The following ZNF503 variants were observed in gnomAD, a reference collection of about 807,000 sequenced individuals.
ZNF503 encodes the protein NocA-like zinc finger 2.
A neutral mutation model predicts 34.4 loss-of-function variants in ZNF503; 15 were observed. The ratio of observed to expected loss-of-function variants is 0.44; its 90% CI spans 0.29 to 0.67. ZNF503 has a LOEUF of 0.67. Ranked by LOEUF, ZNF503 falls within the 30% of genes least tolerant of loss-of-function variation. The pLI, the probability that ZNF503 is intolerant of heterozygous loss-of-function variation, is 0.13. For missense variants in ZNF503, 1,007 were observed against 926.8 expected (o/e 1.09, Z -1.12); for synonymous variants, 580 against 456.8 (o/e 1.27, Z -3.44).
At chr10:75,380,102 G>A in the ZNF503 span, among the ~76,000 whole-genome samples, 13 of 152,244 alleles carry the variant, frequency 8.5e-5, no homozygotes, top group African/African-American at 3.1e-4. Flanking sequence ...TGACCTGGCA[G>A]TAGAGACTCT....
Position 75,399,267 on chromosome 10 carries a change from G to A in ZNF503, c.1423C>T (p.Leu475=). 2.5e-6 allele frequency: 4 copies of A among 1,598,226 alleles called. No homozygotes were observed. Among genetic ancestry groups the A allele is most frequent in the Non-Finnish European group, 3.4e-6 (4 of 1,172,846 alleles). Residue 475 remains leucine, a synonymous_variant, in exon 2 of 2, where the codon CTG becomes TTG. Coordinates refer to ENST00000372524, the MANE Select transcript of ZNF503 (RefSeq NM_032772.6). Reference sequence around the variant, plus strand: ...GTTAGCGAGGAGTGCACACCGTGCAGCGGGTGCGTGGGGTACACCAGCGGG... The same window carrying A: ...GTTAGCGAGGAGTGCACACCGTGCAACGGGTGCGTGGGGTACACCAGCGGG... The part of the protein sequence containing the change: ...GYPLVYPTHP[L]HGVHSSLTAA...
chr10:75,291,563 A>T, the ZNF503 span, among the ~76,000 whole-genome samples: 1 of 152,166 alleles, frequency 6.6e-6, no homozygotes, highest in Non-Finnish European at 1.5e-5. Context: ...GTGAGCTGTG[A>T]CTGCACCACC....
chr10:75,337,936 T>C, the ZNF503 span, among the ~76,000 whole-genome samples: 5 of 152,242 alleles, frequency 3.3e-5, no homozygotes, highest in African/African-American at 4.8e-5. Context: ...TAAATGCTTA[T>C]GGAGAATATA....
At chr10:75,317,878 C>T in the ZNF503 span, among the ~76,000 whole-genome samples, 1 of 151,642 alleles carries the variant, frequency 6.6e-6, no homozygotes, top group South Asian at 2.1e-4. Flanking sequence ...CACCTGTAAT[C>T]CCAGCTACTT....
At chr10:75,319,230 G>A in the ZNF503 span, among the ~76,000 whole-genome samples, 23,818 of 152,022 alleles carry the variant, frequency 0.16, 2,107 homozygotes, top group Non-Finnish European at 0.2. Flanking sequence ...CTGGGATTAC[G>A]GGCATGAGCC....
At chr10:75,344,779 G>A in the ZNF503 span, among the ~76,000 whole-genome samples, 26 of 152,318 alleles carry the variant, frequency 1.7e-4, no homozygotes, top group South Asian at 8.3e-4. Context: ...TGGTGCCAGC[G>A]TCATTGCAGA....
At chr10:75,359,432 C>A in the ZNF503 span, among the ~76,000 whole-genome samples, 4 of 152,186 alleles carry the variant, frequency 2.6e-5, no homozygotes, top group Non-Finnish European at 5.9e-5. Context: ...CTTAGGAAAG[C>A]CTACAGAGGA....
At chr10:75,342,970 G>A in the ZNF503 span, among the ~76,000 whole-genome samples, 1 of 152,196 alleles carries the variant, frequency 6.6e-6, no homozygotes, top group Non-Finnish European at 1.5e-5. Flanking sequence ...GGGAAATAGA[G>A]AATCTGATCT....
At chr10:75,314,334 T>C in the ZNF503 span, among the ~76,000 whole-genome samples, 5 of 150,526 alleles carry the variant, frequency 3.3e-5, no homozygotes, top group East Asian at 9.8e-4. Context: ...AAATTAGAAG[T>C]TCAATAAAGA....
the ZNF503 span, among the ~76,000 whole-genome samples, chr10:75,357,629 T>C: frequency 2.6e-5 from 4 of 152,360 alleles, no homozygotes; most frequent in African/African-American, 9.6e-5. Context: ...CTGATGGCAT[T>C]GTTAGCAGAT....
the ZNF503 span, among the ~76,000 whole-genome samples, chr10:75,389,002 T>C: frequency 6.6e-6 from 1 of 152,132 alleles, no homozygotes. Flanking sequence ...CAAAAAAAGG[T>C]TGAGGTTTCT....
the ZNF503 span, among the ~76,000 whole-genome samples, chr10:75,305,145 C>T: frequency 1.3e-5 from 2 of 152,104 alleles, no homozygotes; most frequent in African/African-American, 4.8e-5. Flanking sequence ...TCTGAGTAGG[C>T]ATCTTCCTCA....
At position 75,399,010 on chromosome 10, in the gene ZNF503, AGAC is replaced by A; in HGVS notation, c.1677_1679del (p.Ser560del). The stretch of plus-strand genomic sequence containing the variant: ...TGGCGGCCGCGGCAGCGCTGGCCAG[AGAC>A]GACGAGCTGGGGTAGCCCGACAGCA... On this transcript the variant is annotated inframe_deletion, in exon 2 of 2. Transcript: ENST00000372524. 6.2e-7 allele frequency: 1 copy of A among 1,609,056 alleles called. No individual in the cohort carries two copies.
At chr10:75,370,732 T>C in the ZNF503 span, among the ~76,000 whole-genome samples, 2 of 133,286 alleles carry the variant, frequency 1.5e-5, no homozygotes, top group African/African-American at 5.9e-5. Flanking sequence ...TGAGCCAAGA[T>C]TGTGCCACTG....
chr10:75,312,040 A>C, the ZNF503 span, among the ~76,000 whole-genome samples: 2 of 152,012 alleles, frequency 1.3e-5, no homozygotes, highest in Non-Finnish European at 2.9e-5. Flanking sequence ...AGCCTGTTTC[A>C]GGAATGTTTG....
At chr10:75,334,778 C>T in the ZNF503 span, among the ~76,000 whole-genome samples, 1 of 152,326 alleles carries the variant, frequency 6.6e-6, no homozygotes, top group South Asian at 2.1e-4. Flanking sequence ...AACCCTGAGT[C>T]CCAGGAGACT....
the ZNF503 span, among the ~76,000 whole-genome samples, chr10:75,371,684 G>A: frequency 6.6e-6 from 1 of 152,222 alleles, no homozygotes; most frequent in Non-Finnish European, 1.5e-5. Context: ...TCTGCTGCAC[G>A]TGGGGGTGAA....
chr10:75,361,265 A>G, the ZNF503 span: 2 of 152,238 alleles, frequency 1.3e-5, no homozygotes, highest in African/African-American at 2.4e-5. Context: ...CAGTAAAATA[A>G]TGCAGGCTTA....
At chr10:75,400,906 T>C in intron 1 of ZNF503, 199 bp downstream of exon 1, 3 of 772,060 alleles carry the variant, frequency 3.9e-6, no homozygotes, top group Non-Finnish European at 6.1e-6. Context: ...GCAGCCTTGC[T>C]CCCTAGCATG....
Sources: allele counts gnomAD v4.1 joint callset (sites outside exome capture counted in the v4.1 genomes callset), GRCh38; gene constraint gnomAD v4.1.1; transcripts MANE v1.5; gene names NCBI Gene and HGNC (gene_info 2026-07-23, HGNC 2026-07-21).